The following ANKS1B variants were observed in gnomAD, a reference collection of about 807,000 sequenced individuals.
ANKS1B encodes ankyrin repeat and sterile alpha motif domain containing 1B, also known as ankyrin repeat and sterile alpha motif domain-containing protein 1B.
ANKS1B carries 36 observed loss-of-function variants against 148.3 expected under a neutral mutation model. The ratio of observed to expected loss-of-function variants is 0.24; its 90% CI spans 0.19 to 0.32. The LOEUF (loss-of-function observed/expected upper bound fraction) is 0.32, where lower values mean the gene tolerates loss of function less well. ANKS1B is among the 10% of genes least tolerant of loss of function. The probability of loss-of-function intolerance (pLI) is 1.00; values close to 1 mark genes in which losing one functional copy is unlikely to be tolerated. For missense variants in ANKS1B, 1,157 were observed against 1,542.6 expected (o/e 0.75, Z 4.19); for synonymous variants, 542 against 560.8 (o/e 0.97, Z 0.47).
chr12:99,479,754 T>C (rs545517411), intron 10 of ANKS1B, among the ~76,000 whole-genome samples: 2 of 152,020 alleles, frequency 1.3e-5, no homozygotes, highest in Admixed American at 1.3e-4. Context: ...GGCAGAATGT[T>C]AGTCGAAAGG....
At chr12:99,311,125 G>C (rs4262807) in intron 12 of ANKS1B, among the ~76,000 whole-genome samples, 2 of 152,064 alleles carry the variant, frequency 1.3e-5, no homozygotes, top group East Asian at 3.9e-4. Context: ...ATTTTCAGGT[G>C]GAACTATTAC....
intron 12 of ANKS1B, among the ~76,000 whole-genome samples, chr12:99,346,209 G>T (rs2090650240): frequency 6.6e-6 from 1 of 151,928 alleles, no homozygotes; most frequent in Non-Finnish European, 1.5e-5. Flanking sequence ...AATTCATTTT[G>T]AAGTCCTTGG....
At chr12:98,856,206 T>G (rs2099570646) in intron 17 of ANKS1B, among the ~76,000 whole-genome samples, 1 of 152,228 alleles carries the variant, frequency 6.6e-6, no homozygotes, top group Admixed American at 6.5e-5. Context: ...AATTTGCATT[T>G]TATGATGTAT....
chr12:99,174,338 G>A (rs1024176653), intron 14 of ANKS1B, among the ~76,000 whole-genome samples: 18 of 152,200 alleles, frequency 1.2e-4, no homozygotes, highest in African/African-American at 4.1e-4. Flanking sequence ...CCTGAAGCAA[G>A]GACCCAGTTA....
chr12:99,124,018 T>C (rs1392280917), intron 15 of ANKS1B, among the ~76,000 whole-genome samples: 1 of 152,192 alleles, frequency 6.6e-6, no homozygotes, highest in Admixed American at 6.5e-5. Flanking sequence ...AGATGATCTG[T>C]CCATGCAGGG....
intron 12 of ANKS1B, among the ~76,000 whole-genome samples, chr12:99,267,697 C>T (rs2076589527): frequency 6.6e-6 from 1 of 152,092 alleles, no homozygotes; most frequent in Non-Finnish European, 1.5e-5. Context: ...TACAACCAGA[C>T]ATATTATAAC....
intron 9 of ANKS1B, among the ~76,000 whole-genome samples, chr12:99,605,619 A>G (rs2153316709): frequency 6.6e-6 from 1 of 152,270 alleles, no homozygotes; most frequent in South Asian, 2.1e-4. Flanking sequence ...TTCACATAAC[A>G]TAATGTTTTC....
chr12:99,662,960 C>A (rs1407859774), intron 8 of ANKS1B, among the ~76,000 whole-genome samples: 1 of 152,086 alleles, frequency 6.6e-6, no homozygotes, highest in Non-Finnish European at 1.5e-5. Context: ...CAATTTCACA[C>A]TAGGATACAT....
At chr12:99,344,918 A>T (rs2090454097) in intron 12 of ANKS1B, 1 of 152,074 alleles carries the variant, frequency 6.6e-6, no homozygotes, top group Non-Finnish European at 1.5e-5. Flanking sequence ...CACTTCTCTC[A>T]TGGTAATCAC....
intron 1 of ANKS1B, among the ~76,000 whole-genome samples, chr12:99,945,660 T>A (rs930186587): frequency 3.9e-5 from 6 of 152,180 alleles, no homozygotes; most frequent in Admixed American, 3.3e-4. Flanking sequence ...GTGGAGGTCA[T>A]GGGCACTTAA....
chr12:99,363,364 C>A (rs2092595097), intron 12 of ANKS1B, among the ~76,000 whole-genome samples: 1 of 151,844 alleles, frequency 6.6e-6, no homozygotes, highest in Non-Finnish European at 1.5e-5. Flanking sequence ...ATTATTTTAC[C>A]ATTGACTTAA....
intron 11 of ANKS1B, among the ~76,000 whole-genome samples, chr12:99,423,056 T>C (rs1272548654): frequency 2.6e-5 from 4 of 152,180 alleles, no homozygotes; most frequent in Non-Finnish European, 5.9e-5. Context: ...AAGTGAGGAT[T>C]AAATTATCTG....
intron 14 of ANKS1B, among the ~76,000 whole-genome samples, chr12:99,173,369 G>C (rs1467682003): frequency 2.6e-5 from 4 of 152,040 alleles, no homozygotes; most frequent in Non-Finnish European, 4.4e-5. Context: ...ACTGGTTTCT[G>C]CTTCATTTTT....
At chr12:99,378,652 CAAA>C (rs140892353) in intron 12 of ANKS1B, among the ~76,000 whole-genome samples, 2 of 90,706 alleles carry the variant, frequency 2.2e-5, no homozygotes, top group Non-Finnish European at 4.8e-5. Flanking sequence ...GACTCCATCT[CAAA>C]AAAAAAAAAA....
intron 9 of ANKS1B, among the ~76,000 whole-genome samples, chr12:99,574,977 A>G (rs889806950): frequency 6.6e-6 from 1 of 152,106 alleles, no homozygotes; most frequent in African/African-American, 2.4e-5. Flanking sequence ...AAGCAATAAA[A>G]TTATCTTTAT....
intron 14 of ANKS1B, among the ~76,000 whole-genome samples, chr12:99,178,987 T>G (rs992263796): frequency 6.6e-6 from 1 of 152,148 alleles, no homozygotes; most frequent in African/African-American, 2.4e-5. Context: ...ATACCAAATA[T>G]AGAGACAATG....
At chr12:99,800,309 A>C (rs369953300) in intron 4 of ANKS1B, among the ~76,000 whole-genome samples, 40 of 152,188 alleles carry the variant, frequency 2.6e-4, no homozygotes, top group African/African-American at 9.1e-4. Flanking sequence ...GCCCTCACTC[A>C]GGAATGGAAT....
At chr12:99,613,755 G>A (rs2097921820) in intron 9 of ANKS1B, among the ~76,000 whole-genome samples, 2 of 151,892 alleles carry the variant, frequency 1.3e-5, no homozygotes, top group Non-Finnish European at 1.5e-5. Context: ...ATGGATACTA[G>A]GCTTAATACT....
chr12:99,400,764 G>A (rs1355470597), intron 11 of ANKS1B, among the ~76,000 whole-genome samples: 1 of 144,102 alleles, frequency 6.9e-6, no homozygotes, highest in Non-Finnish European at 1.5e-5. Flanking sequence ...TTATAATAAG[G>A]TAAAGTTTAT....
Sources: gnomAD v4.1 joint callset for allele counts (sites outside exome capture counted in the v4.1 genomes callset) on GRCh38, gnomAD v4.1.1 for gene constraint, MANE v1.5 for transcripts, NCBI Gene and HGNC (gene_info 2026-07-23, HGNC 2026-07-21) for gene names.